PRKAR2A: variants seen among roughly 807,000 people sequenced by gnomAD.
PRKAR2A encodes the protein protein kinase cAMP-dependent type II regulatory subunit alpha, also known as cAMP-dependent protein kinase type II-alpha regulatory subunit.
A neutral mutation model predicts 51.9 loss-of-function variants in PRKAR2A; 29 were observed. That is an observed-to-expected ratio of 0.56 (90% CI 0.42 to 0.76). The LOEUF (loss-of-function observed/expected upper bound fraction) is 0.76. PRKAR2A is among the 30% of genes least tolerant of loss of function. The pLI is 0.00. For synonymous variants in PRKAR2A, 178 were observed against 186.2 expected, an observed-to-expected ratio of 0.96 and a Z score of 0.36; for missense variants, 445 against 512.1, an observed-to-expected ratio of 0.87 and a Z score of 1.26.
Position 48,841,128 on chromosome 3 carries a change from C to T in PRKAR2A, c.262+6207G>A, listed in dbSNP as rs371325802. 1.3e-4 allele frequency among the ~76,000 whole-genome samples: 20 copies of T among 151,392 alleles called. No homozygotes were observed. In the East Asian group the frequency reaches 2.6e-3, roughly 19 times the overall value. ...CTCAAACTCCTGACCTCAGGTGATC[C>T]GCCCGCCTCGGCCCCCCAGTGCTGG... On this transcript the variant is annotated intron_variant, in intron 1 of 10. Coordinates refer to ENST00000265563, the MANE Select transcript of PRKAR2A (RefSeq NM_004157.4).
intron 1 of PRKAR2A, among the ~76,000 whole-genome samples, chr3:48,811,507 T>C (rs1009257680): frequency 1.3e-5 from 2 of 152,028 alleles, no homozygotes; most frequent in Non-Finnish European, 2.9e-5. Context: ...TACTGACATA[T>C]GCAACTTGGA....
At chr3:48,837,823 A>G (rs2083308009) in intron 1 of PRKAR2A, among the ~76,000 whole-genome samples, 1 of 151,922 alleles carries the variant, frequency 6.6e-6, no homozygotes, top group African/African-American at 2.4e-5. Flanking sequence ...AAAAAAAAGT[A>G]CTGATACATG....
chr3:48,755,982 G>T (rs376700591), intron 9 of PRKAR2A, among the ~76,000 whole-genome samples: 1 of 151,804 alleles, frequency 6.6e-6, no homozygotes, highest in Non-Finnish European at 1.5e-5. Flanking sequence ...GGGTTTCACC[G>T]TGTTAGCCAG....
chr3:48,790,603 G>A lies in PRKAR2A; in HGVS notation c.376C>T (p.Gln126Ter). The change falls in exon 4 of 11, where the codon CAG (glutamine) becomes TAG (stop). Residue 126 changes from glutamine (Q) to a stop codon, truncating the protein, a stop_gained. Transcript: ENST00000265563. LOFTEE classifies it high-confidence loss of function. ...PRVIHPKTDE[Q>*]RCRLQEACKD... ...CAAGCTTCCTGAAGTCTGCATCTCT[G>A]TTCATCAGTTTTAGGATGAATCACC... 1 of 1,516,384 alleles carries A rather than the reference G, an allele frequency of 6.6e-7. No individual in the cohort carries two copies. The highest frequency in any genetic ancestry group is 8.8e-7 in the Non-Finnish European group (1 of 1,131,492). 93.9% of individuals were successfully genotyped at this position (1,516,384 alleles called of 1,614,324 possible). A position where few individuals can be genotyped will look rare whatever the true frequency, so the allele number is the denominator to read the frequency against.
intron 1 of PRKAR2A, among the ~76,000 whole-genome samples, chr3:48,821,204 T>C (rs949479390): frequency 6.6e-6 from 1 of 152,066 alleles, no homozygotes; most frequent in African/African-American, 2.4e-5. Context: ...GTGGGTCAAG[T>C]CAGAGATGAC....
chr3:48,829,510 C>G (rs929968913), intron 1 of PRKAR2A, among the ~76,000 whole-genome samples: 1 of 149,998 alleles, frequency 6.7e-6, no homozygotes, highest in Admixed American at 6.7e-5. Flanking sequence ...CAGAGCAAGA[C>G]TCCATCTCAA....
At chr3:48,787,915 G>A (rs1046004945) in intron 4 of PRKAR2A, among the ~76,000 whole-genome samples, 5 of 152,174 alleles carry the variant, frequency 3.3e-5, no homozygotes, top group African/African-American at 9.7e-5. Context: ...GGTAGGAGCT[G>A]GGTAACAGAG....
chr3:48,800,667 G>GCTTTT (rs1430632035), intron 2 of PRKAR2A, among the ~76,000 whole-genome samples: 2 of 120,916 alleles, frequency 1.7e-5, no homozygotes, highest in Admixed American at 1.9e-4. Context: ...GGAAGGCATG[G>GCTTTT]CTTTTCTTTT....
At chr3:48,827,500 T>C (rs2083087750) in intron 1 of PRKAR2A, among the ~76,000 whole-genome samples, 1 of 152,226 alleles carries the variant, frequency 6.6e-6, no homozygotes, top group Non-Finnish European at 1.5e-5. Context: ...TTAGGCAATT[T>C]CATCATTCTG....
chr3:48,761,444 A>G (rs1228840120), intron 8 of PRKAR2A, among the ~76,000 whole-genome samples: 2 of 152,220 alleles, frequency 1.3e-5, no homozygotes, highest in Admixed American at 6.5e-5. Flanking sequence ...TAGATGTGCT[A>G]TAGATGGAAA....
chr3:48,827,556 A>C (rs1186706691), intron 1 of PRKAR2A, among the ~76,000 whole-genome samples: 1 of 152,210 alleles, frequency 6.6e-6, no homozygotes, highest in African/African-American at 2.4e-5. Context: ...GGTACAGCCT[A>C]CAACACACCT....
chr3:48,790,625 C>A lies in PRKAR2A; in HGVS notation c.354G>T (p.Val118=). 6.9e-7 allele frequency: 1 copy of A among 1,451,632 alleles called. No homozygotes were observed. The highest frequency in any genetic ancestry group is 9.1e-7 in the Non-Finnish European group (1 of 1,093,936). The allele number at this position is 1,451,632 out of a possible 1,614,324, so 89.9% of individuals were successfully genotyped here. A position where few individuals can be genotyped will look rare whatever the true frequency, so the allele number is the denominator to read the frequency against. The change falls in exon 4 of 11, where the codon GTG becomes GTT. Residue 118 remains valine (V), a splice_region_variant and synonymous_variant. Coordinates refer to ENST00000265563, the MANE Select transcript of PRKAR2A (RefSeq NM_004157.4). Reference sequence around the variant, plus strand: ...TCTGTTCATCAGTTTTAGGATGAATCACCTGCCAATCCAAATAAAACCATG... The same window carrying A: ...TCTGTTCATCAGTTTTAGGATGAATAACCTGCCAATCCAAATAAAACCATG... ...DEEEEDTDPR[V]IHPKTDEQRC... is the part of the protein sequence containing the mutation.
intron 5 of PRKAR2A, among the ~76,000 whole-genome samples, chr3:48,779,287 A>G (rs2082154029): frequency 6.6e-6 from 1 of 152,136 alleles, no homozygotes; most frequent in Non-Finnish European, 1.5e-5. Flanking sequence ...CTGTACAAAG[A>G]ATAACCCCTT....
At chr3:48,818,482 G>A (rs77082222) in intron 1 of PRKAR2A, among the ~76,000 whole-genome samples, 2,985 of 152,288 alleles carry the variant, frequency 0.02, 52 homozygotes, top group Middle Eastern at 0.051. Flanking sequence ...CTGGCCAGGT[G>A]CAGTGGCTCA....
At chr3:48,826,198 C>T (rs930509713) in intron 1 of PRKAR2A, among the ~76,000 whole-genome samples, 3 of 152,040 alleles carry the variant, frequency 2.0e-5, no homozygotes, top group Non-Finnish European at 4.4e-5. Context: ...CCCGGGAGGT[C>T]AAGGCTGCAG....
At position 48,847,409 on chromosome 3, in the gene PRKAR2A, G is replaced by C. The variant is rs751119335; in HGVS notation, c.188C>G (p.Pro63Arg). The part of the protein sequence containing the change: ...ATPRQSLGHP[P>R]PEPGPDRVAD... Reference sequence around the variant, plus strand: ...GACACGGTCCGGGCCGGGTTCTGGCGGGGGGTGGCCCAGGCTCTGGCGTGG... The same window carrying C: ...GACACGGTCCGGGCCGGGTTCTGGCCGGGGGTGGCCCAGGCTCTGGCGTGG... The change falls in exon 1 of 11, where the codon CCG (proline) becomes CGG (arginine). Residue 63 changes from proline (P) to arginine (R), a missense_variant. Physicochemically the swap from Pro to Arg is moderately radical, Grantham distance 103. Transcript: ENST00000265563. This position sits in a 1 kb window ranked among gnomAD's most constrained non-coding sequence, Gnocchi z 4.4. 1 of 1,603,030 alleles carries C rather than the reference G, an allele frequency of 6.2e-7. No individual in the cohort carries two copies. Among genetic ancestry groups the C allele is most frequent in the South Asian group, 1.1e-5 (1 of 89,704 alleles).
chr3:48,829,590 A>ATATACACACATAAATATATATGTGTG (rs1553680912), intron 1 of PRKAR2A, among the ~76,000 whole-genome samples: 1 of 35,648 alleles, frequency 2.8e-5, no homozygotes, highest in Non-Finnish European at 5.8e-5. Context: ...ATGTGTGTAT[A>ATATACACACATAAATATATATGTGTG]TATACACACA....
rs780702861 is a variant in PRKAR2A, at chr3:48,751,734, GA to G, written c.1082-17del. ...ACATCCATAACTGCATTGTTAAAAAGAGGTGAGGGAGAGAATGAATTCAAGC... is the reference window on the plus strand; with the variant it reads ...ACATCCATAACTGCATTGTTAAAAAGGGTGAGGGAGAGAATGAATTCAAGC... On this transcript the variant is annotated splice_polypyrimidine_tract_variant and intron_variant, in intron 10 of 10. Coordinates refer to ENST00000265563, the MANE Select transcript of PRKAR2A (RefSeq NM_004157.4). 6 of 1,597,364 alleles carry G rather than the reference GA, an allele frequency of 3.8e-6. No individual in the cohort carries two copies. The South Asian group carries it at 6.7e-5, about 18-fold the overall frequency.
intron 2 of PRKAR2A, among the ~76,000 whole-genome samples, chr3:48,806,130 T>G (rs1349546545): frequency 1.3e-5 from 2 of 152,312 alleles, no homozygotes; most frequent in Admixed American, 6.5e-5. Flanking sequence ...TCTCTTAACA[T>G]AACATATTCT....
Sources: gnomAD v4.1 joint callset for allele counts (sites outside exome capture counted in the v4.1 genomes callset) on GRCh38, gnomAD v4.1.1 for gene constraint, Gnocchi (gnomAD v3.1) non-coding constraint, MANE v1.5 for transcripts, NCBI Gene and HGNC (gene_info 2026-07-23, HGNC 2026-07-21) for gene names.